DNAH10: variants seen among roughly 807,000 people sequenced by gnomAD.
The protein encoded by DNAH10 is axonemal beta dynein heavy chain 10.
A neutral mutation model predicts 506.6 loss-of-function variants in DNAH10; 348 were observed. The observed-to-expected ratio is 0.69, with a 90% CI of 0.63 to 0.75. DNAH10 has a LOEUF of 0.75. Among genes scored for constraint, DNAH10 ranks in the 30% least tolerant of loss-of-function variants. The pLI is 0.00. For synonymous variants in DNAH10, 2,059 were observed against 2,198.6 expected (o/e 0.94, Z 1.78); for missense variants, 5,179 against 5,787.1 (o/e 0.89, Z 3.41).
In DNAH10 at chr12:123,762,404, A is replaced by T; in HGVS notation, c.68A>T (p.Gln23Leu). ...VYAAFGITDP[Q>L]LFEDLLNRDD... ...GCGGCTTTCGGCATCACCGACCCCC[A>T]GCTTTTCGAGGACCTGCTCAACCGC... The change falls in exon 1 of 79, where the codon CAG (glutamine) becomes CTG (leucine). Residue 23 changes from glutamine to leucine, a missense_variant. Gln to Leu is a moderately radical substitution (Grantham distance 113, BLOSUM62 -2). This residue lies in a region of DNAH10 where 326 missense variants were observed against 330.8 expected (regional missense o/e 0.99). Transcript: ENST00000673944. The surrounding 1 kb of genome is among the most constrained non-coding windows in gnomAD (Gnocchi z 5.0). The T allele has an allele frequency of 7.1e-7, 1 of 1,400,320 alleles. No homozygotes were observed. The allele number at this position is 1,400,320 out of a possible 1,614,324, so 86.7% of individuals were successfully genotyped here.
chr12:123,843,808 C>A (rs1817760005), intron 30 of DNAH10, among the ~76,000 whole-genome samples: 2 of 152,204 alleles, frequency 1.3e-5, no homozygotes, highest in African/African-American at 2.4e-5. Context: ...GAACTCCCGA[C>A]CTCAGGTGAT....
chr12:123,794,844 C>T (rs1193969258), intron 12 of DNAH10, among the ~76,000 whole-genome samples: 1 of 125,196 alleles, frequency 8.0e-6, no homozygotes, highest in Non-Finnish European at 1.7e-5. Context: ...GAAACCCTGT[C>T]TAAAAAAAAA....
chr12:123,795,146 C>CAAAAAAAA lies in DNAH10; in HGVS notation c.1986+1043_1986+1050dup, dbSNP rs59542170. Among the ~76,000 whole-genome samples the CAAAAAAAA allele has an allele frequency of 1.4e-4, 16 of 111,822 alleles. 1 individual carries two copies. The highest frequency in any genetic ancestry group is 4.8e-4 in the East Asian group (2 of 4,134). 73.4% of individuals were successfully genotyped at this position (111,822 alleles called of 152,430 possible). On this transcript the variant is annotated intron_variant, in intron 12 of 78. Transcript: ENST00000673944. ...CTGGGCGACGAGTGAAACTTCGTCT[C>CAAAAAAAA]AAAAAAAAAAAAAAAAGAAAAAAGA...
At position 123,797,648 on chromosome 12, in the gene DNAH10, C is replaced by T. The variant is rs142252541; in HGVS notation, c.2163+816C>T. On this transcript the variant is annotated intron_variant, in intron 13 of 78. Coordinates refer to ENST00000673944, the MANE Select transcript of DNAH10 (RefSeq NM_001372106.1). ...CTGAGCTCAAGCAATCTGTCCACCT[C>T]GGCCTCCCAAAGTGTTGGGCTTACA... 1.1e-4 allele frequency among the ~76,000 whole-genome samples: 17 copies of T among 152,248 alleles called. No individual in the cohort carries two copies. In the East Asian group the frequency reaches 2.5e-3, roughly 23 times the overall value.
chr12:123,781,410 T>G, intron 6 of DNAH10, 111 bp downstream of exon 6: 1 of 1,074,340 alleles, frequency 9.3e-7, no homozygotes, highest in Non-Finnish European at 1.3e-6. Flanking sequence ...TTTGTTTGTT[T>G]GTTTTGTGGA....
rs1303026829 is a variant in DNAH10, at chr12:123,928,732, A to G, written c.12306+145A>G. 2.0e-5 allele frequency: 18 copies of G among 907,182 alleles called. No homozygotes were observed. The highest frequency in any genetic ancestry group is 1.6e-4 in the East Asian group (6 of 37,648). The allele number at this position is 907,182 out of a possible 1,614,324, so 56.2% of individuals were successfully genotyped here. On this transcript the variant is annotated intron_variant, in intron 70 of 78. Coordinates refer to ENST00000673944, the MANE Select transcript of DNAH10 (RefSeq NM_001372106.1). The surrounding 1 kb of genome is among the most constrained non-coding windows in gnomAD (Gnocchi z 4.9). ...AACCTTGCGGTTGAAACCCTTCTCA[A>G]TCCCACCTCTCTCTTTAGAGGGAGC...
intron 17 of DNAH10, among the ~76,000 whole-genome samples, chr12:123,804,272 TC>T (rs1958576845): frequency 6.6e-6 from 1 of 152,086 alleles, no homozygotes; most frequent in Non-Finnish European, 1.5e-5. Flanking sequence ...ACGCCTATAA[TC>T]CCAGCACTTT....
At chr12:123,776,004 C>T (rs1310091082) in intron 5 of DNAH10, among the ~76,000 whole-genome samples, 6 of 152,032 alleles carry the variant, frequency 3.9e-5, no homozygotes, top group African/African-American at 9.7e-5. Context: ...AGGGAAAAGC[C>T]GCTTATAAAA....
chr12:123,861,264 A>C, intron 39 of DNAH10, 94 bp downstream of exon 39: 2 of 1,441,084 alleles, frequency 1.4e-6, no homozygotes, highest in Non-Finnish European at 1.9e-6. Context: ...TTGTAGCTTC[A>C]TGCTTGGATT....
chr12:123,830,785 A>C, intron 26 of DNAH10, 86 bp downstream of exon 26: 1 of 1,318,844 alleles, frequency 7.6e-7, no homozygotes, highest in South Asian at 1.7e-5. Flanking sequence ...TATACTAAAA[A>C]AAAAAAAAAA....
chr12:123,830,177 C>T (rs934036161), intron 25 of DNAH10, among the ~76,000 whole-genome samples: 3 of 152,148 alleles, frequency 2.0e-5, no homozygotes, highest in Admixed American at 2.0e-4. Context: ...ATCAAATGCA[C>T]GAGAGCTCAT....
chr12:123,829,044 G>A (rs905751721), intron 25 of DNAH10, among the ~76,000 whole-genome samples: 4 of 152,132 alleles, frequency 2.6e-5, no homozygotes, highest in Admixed American at 6.6e-5. Context: ...TCCATCAATC[G>A]CCGTGACATG....
rs781471059 is a variant in DNAH10, at chr12:123,845,677, A to G, written c.5438A>G (p.Asp1813Gly). 1.2e-5 allele frequency: 19 copies of G among 1,613,622 alleles called. No homozygotes were observed. The East Asian group carries it at 3.8e-4, about 32-fold the overall frequency. The change falls in exon 31 of 79, where the codon GAC becomes GGC. Residue 1813 changes from aspartate (D) to glycine (G), a missense_variant. By Grantham distance (94) the Asp-to-Gly change is moderately conservative (BLOSUM62 -1). This residue lies in a region of DNAH10 where 4,844 missense variants were observed against 5,430.5 expected (regional missense o/e 0.89). Transcript: ENST00000673944. The part of the protein sequence containing the change: ...SQVWWTWEVE[D>G]VFHKAQKGEK... ...GTGTGGTGGACCTGGGAGGTGGAAGACGTCTTCCACAAAGCGCAAAAAGGG... is the reference window on the plus strand; with the variant it reads ...GTGTGGTGGACCTGGGAGGTGGAAGGCGTCTTCCACAAAGCGCAAAAAGGG...
chr12:123,803,022 G>T (rs904064991), intron 16 of DNAH10, among the ~76,000 whole-genome samples: 1 of 151,960 alleles, frequency 6.6e-6, no homozygotes, highest in Non-Finnish European at 1.5e-5. Context: ...CCACTCTGTC[G>T]CTTGTCTTTT....
Position 123,833,174 on chromosome 12 carries a change from A to C in DNAH10, c.4606A>C (p.Lys1536Gln). The C allele has an allele frequency of 1.2e-6, 2 of 1,613,950 alleles. No homozygotes were observed. Among genetic ancestry groups the C allele is most frequent in the African/African-American group, 1.3e-5 (1 of 75,068 alleles). The change falls in exon 27 of 79, where the codon AAA (lysine) becomes CAA (glutamine). Residue 1536 changes from lysine to glutamine, a missense_variant. This residue lies in a region of DNAH10 where 4,844 missense variants were observed against 5,430.5 expected (regional missense o/e 0.89). Coordinates refer to ENST00000673944, the MANE Select transcript of DNAH10 (RefSeq NM_001372106.1). ...NMKFTVVKYC[K>Q]GTQERGYILG... is the part of the protein sequence containing the mutation. ...GAAATTCACTGTAGTCAAGTATTGC[A>C]AAGGCACACAGGAGCGAGGCTACAT...
chr12:123,811,565 A>G (rs1193500069), intron 19 of DNAH10, among the ~76,000 whole-genome samples: 1 of 151,714 alleles, frequency 6.6e-6, no homozygotes, highest in South Asian at 2.1e-4. Flanking sequence ...CAGTGGTGCA[A>G]TCTCAGCTCA....
At position 123,845,667 on chromosome 12, in the gene DNAH10, G is replaced by T. The variant is rs1213619899; in HGVS notation, c.5428G>T (p.Glu1810Ter). Residue 1810 changes from glutamate (E) to a stop codon, truncating the protein, a stop_gained, in exon 31 of 79, where the codon GAG (glutamate) becomes TAG (stop). Coordinates refer to ENST00000673944, the MANE Select transcript of DNAH10 (RefSeq NM_001372106.1). LOFTEE classifies it high-confidence loss of function. ...CGCTAGCCAGGTGTGGTGGACCTGG[G>T]AGGTGGAAGACGTCTTCCACAAAGC... ...LAASQVWWTW[E>*]VEDVFHKAQK... The T allele has an allele frequency of 6.2e-6, 10 of 1,613,702 alleles. No individual in the cohort carries two copies. Among genetic ancestry groups the T allele is most frequent in the Non-Finnish European group, 7.6e-6 (9 of 1,179,894 alleles).
At chr12:123,825,729 T>C (rs537552631) in intron 24 of DNAH10, among the ~76,000 whole-genome samples, 1 of 152,300 alleles carries the variant, frequency 6.6e-6, no homozygotes, top group African/African-American at 2.4e-5. Context: ...ATCTTGATTG[T>C]GGTGGTGCTT....
intron 45 of DNAH10, 80 bp from the exon 46 acceptor site, chr12:123,873,478 T>G: frequency 6.6e-7 from 1 of 1,510,052 alleles, no homozygotes; most frequent in Non-Finnish European, 8.9e-7. Context: ...TGCAAAATAG[T>G]TGCTAGCTTA....
Sources: allele counts gnomAD v4.1 joint callset (sites outside exome capture counted in the v4.1 genomes callset), GRCh38; gene constraint gnomAD v4.1.1; regional missense constraint gnomAD v4.1.1; non-coding constraint Gnocchi (gnomAD v3.1); transcripts MANE v1.5; gene names NCBI Gene and HGNC (gene_info 2026-07-23, HGNC 2026-07-21).